SI: variants seen among roughly 807,000 people sequenced by gnomAD.
The protein encoded by SI is sucrase-isomaltase.
In SI, 235 loss-of-function variants were observed where a neutral mutation model predicts 253.3. That is an observed-to-expected ratio of 0.93 (90% CI 0.83 to 1.03). The LOEUF is 1.03. Ranked by LOEUF, SI falls within the 50% of genes least tolerant of loss-of-function variation. SI has a pLI of 0.00. For synonymous variants in SI, 819 were observed against 712.0 expected (o/e 1.15, Z -2.39); for missense variants, 2,442 against 2,211.1 (o/e 1.10, Z -2.09).
chr3:165,002,311 AC>A (rs1332044806), intron 37 of SI, among the ~76,000 whole-genome samples: 2 of 151,690 alleles, frequency 1.3e-5, no homozygotes, highest in African/African-American at 4.8e-5. Context: ...AAGACTCAAA[AC>A]TTTTTGTGCA....
At chr3:165,073,688 CTG>C (rs1560020925) in intron 3 of SI, among the ~76,000 whole-genome samples, 2 of 151,864 alleles carry the variant, frequency 1.3e-5, no homozygotes, top group Admixed American at 6.6e-5. Context: ...ATACAACAAA[CTG>C]TGGATCAAAA....
chr3:165,000,345 C>T (rs966447165), intron 37 of SI, among the ~76,000 whole-genome samples: 19 of 142,558 alleles, frequency 1.3e-4, no homozygotes, highest in African/African-American at 3.9e-4. Context: ...ACACAATGGG[C>T]ACAAAGTTAC....
At chr3:165,002,316 T>C (rs1482784634) in intron 37 of SI, among the ~76,000 whole-genome samples, 1 of 151,726 alleles carries the variant, frequency 6.6e-6, no homozygotes, top group Non-Finnish European at 1.5e-5. Flanking sequence ...TCAAAACTTT[T>C]TGTGCAGGAT....
rs556359752 is a variant in SI at position 165,049,490 on chromosome 3, A to G, written c.1598-246T>C. ...ACATTGGCAAATACTCTGTTTCCTA[A>G]CTTCGATAACAAATAATTTAACTTT... On this transcript the variant is annotated intron_variant, in intron 14 of 47. Coordinates refer to ENST00000264382, the MANE Select transcript of SI (RefSeq NM_001041.4). 9.7e-4 allele frequency among the ~76,000 whole-genome samples: 147 copies of G among 152,208 alleles called. 1 individual carries two copies. Among genetic ancestry groups the G allele is most frequent in the African/African-American group, 3.4e-3 (142 of 41,550 alleles).
rs1288009496 is a variant in SI, at chr3:165,062,416, GATGTAAAAATCC to G, written c.963_974del (p.Asp322_Ile325del). On this transcript the variant is annotated inframe_deletion, in exon 9 of 48. Transcript: ENST00000264382. ...CTTGTTCTGGTGTATCTCCTAGAAG[GATGTAAAAATCC>G]AGAATGCCACCGGTAACTCTATATG... The G allele has an allele frequency of 6.2e-7, 1 of 1,603,398 alleles. No homozygotes were observed. The highest frequency in any genetic ancestry group is 8.5e-7 in the Non-Finnish European group (1 of 1,170,972).
chr3:165,075,856 T>G (rs1307012429), intron 2 of SI, 39 bp downstream of exon 2: 1 of 1,220,224 alleles, frequency 8.2e-7, no homozygotes. Flanking sequence ...TCCTCCTAAC[T>G]TCACGATAAT....
At chr3:165,045,810 C>T (rs375581620) in intron 16 of SI, among the ~76,000 whole-genome samples, 166 of 130,804 alleles carry the variant, frequency 1.3e-3, no homozygotes, top group African/African-American at 4.6e-3. Context: ...TTCAGTTTAT[C>T]TTTTGACTCA....
chr3:165,029,749 C>A (rs186334634), intron 25 of SI, among the ~76,000 whole-genome samples: 11 of 149,904 alleles, frequency 7.3e-5, no homozygotes, highest in Admixed American at 6.7e-4. Context: ...CCTTTATATT[C>A]GTTTTGATAA....
At chr3:165,005,810 G>A (rs1718477158) in intron 37 of SI, among the ~76,000 whole-genome samples, 1 of 151,924 alleles carries the variant, frequency 6.6e-6, no homozygotes. Flanking sequence ...GCAGTGGTAG[G>A]AGCACAGCTC....
chr3:165,022,946 C>T (rs1420133855), intron 26 of SI, among the ~76,000 whole-genome samples: 4 of 151,610 alleles, frequency 2.6e-5, no homozygotes, highest in African/African-American at 7.2e-5. Context: ...CTTACAGATA[C>T]TCCACTTAGT....
At chr3:165,030,180 G>A (rs1053247836) in intron 25 of SI, among the ~76,000 whole-genome samples, 1 of 150,694 alleles carries the variant, frequency 6.6e-6, no homozygotes, top group African/African-American at 2.4e-5. Context: ...ATAGCAAGAG[G>A]AATGTTTTAC....
At chr3:164,983,361 GC>G (rs966751888) in intron 45 of SI, among the ~76,000 whole-genome samples, 11 of 152,176 alleles carry the variant, frequency 7.2e-5, no homozygotes, top group African/African-American at 2.6e-4. Flanking sequence ...GGCAAGAAGT[GC>G]ACAAGTAATG....
At chr3:165,068,857 T>C (rs1714396474) in intron 4 of SI, 26 bp from the exon 5 acceptor site, 2 of 1,396,974 alleles carry the variant, frequency 1.4e-6, no homozygotes, top group African/African-American at 1.4e-5. Flanking sequence ...AAAGCTGCCA[T>C]GAGTGACTTG....
rs138130234 is a variant in SI at position 165,013,306 on chromosome 3, A to G, written c.4000-264T>C. 6.6e-4 allele frequency among the ~76,000 whole-genome samples: 100 copies of G among 152,328 alleles called. No homozygotes were observed. The East Asian group carries it at 8.9e-3, about 14-fold the overall frequency. ...TAGTTAGTAATTTTGAAAATAATAC[A>G]TATAACCAAAAGGTTCTGGTCAAAA... On this transcript the variant is annotated intron_variant, in intron 33 of 47. Transcript: ENST00000264382.
At chr3:165,037,618 T>C (rs1208494084) in intron 21 of SI, among the ~76,000 whole-genome samples, 1 of 151,956 alleles carries the variant, frequency 6.6e-6, no homozygotes, top group Non-Finnish European at 1.5e-5. Context: ...TGTATAGTTA[T>C]TAAGAATCAA....
Position 165,021,363 on chromosome 3 carries a change from CTTCTT to C in SI, c.3115_3119del (p.Lys1039GlufsTer3), listed in dbSNP as rs765274319. On this transcript the variant is annotated frameshift_variant, in exon 27 of 48. Coordinates refer to ENST00000264382, the MANE Select transcript of SI (RefSeq NM_001041.4). LOFTEE classifies it high-confidence loss of function. The stretch of plus-strand genomic sequence containing the variant: ...TTAACGGTACTGGTACTTCATATCT[CTTCTT>C]TTGGGGATCATAAATCTATTGCAGA... 1.2e-6 allele frequency: 2 copies of C among 1,610,280 alleles called. No individual in the cohort carries two copies. The highest frequency in any genetic ancestry group is 1.7e-6 in the Non-Finnish European group (2 of 1,177,320).
chr3:165,011,208 T>G (rs1205933223), intron 34 of SI, among the ~76,000 whole-genome samples: 1 of 152,148 alleles, frequency 6.6e-6, no homozygotes, highest in African/African-American at 2.4e-5. Context: ...GTTATTTATT[T>G]GAGATTTTTA....
At chr3:165,024,524 T>C (rs919491004) in intron 25 of SI, among the ~76,000 whole-genome samples, 1 of 151,198 alleles carries the variant, frequency 6.6e-6, no homozygotes, top group African/African-American at 2.4e-5. Context: ...GGGCCTAAGC[T>C]GACTAAATTG....
intron 28 of SI, among the ~76,000 whole-genome samples, 168 bp downstream of exon 28, chr3:165,019,434 G>T (rs527797574): frequency 1.3e-5 from 2 of 151,814 alleles, no homozygotes; most frequent in Non-Finnish European, 2.9e-5. Context: ...GTAATTTATG[G>T]TGACTTTTTG....
Sources: gnomAD v4.1 joint callset for allele counts (sites outside exome capture counted in the v4.1 genomes callset) on GRCh38, gnomAD v4.1.1 for gene constraint, MANE v1.5 for transcripts, NCBI Gene and HGNC (gene_info 2026-07-23, HGNC 2026-07-21) for gene names.